The following NIBAN1 variants were observed in gnomAD, a reference collection of about 807,000 sequenced individuals.
NIBAN1 encodes the protein protein Niban 1.
A neutral mutation model predicts 75.1 loss-of-function variants in NIBAN1; 81 were observed. The observed-to-expected ratio is 1.08, with a 90% confidence interval of 0.90 to 1.30. The LOEUF (loss-of-function observed/expected upper bound fraction) is 1.30. NIBAN1 is among the 50% of genes most tolerant of loss of function. The pLI is 0.00. For synonymous variants in NIBAN1, 436 were observed against 424.8 expected, an observed-to-expected ratio of 1.03 and a Z score of -0.32; for missense variants, 1,133 against 1,128.1, an observed-to-expected ratio of 1.00 and a Z score of -0.06.
chr1:184,962,577 T>C (rs1297424128), intron 1 of NIBAN1, among the ~76,000 whole-genome samples: 1 of 152,172 alleles, frequency 6.6e-6, no homozygotes, highest in Non-Finnish European at 1.5e-5. Flanking sequence ...CAGAGGTTCT[T>C]ATAGATTTTG....
intron 1 of NIBAN1, among the ~76,000 whole-genome samples, chr1:184,964,345 A>G (rs1658724450): frequency 6.6e-6 from 1 of 152,238 alleles, no homozygotes; most frequent in Non-Finnish European, 1.5e-5. Flanking sequence ...AAAGTTTCTG[A>G]TACTTACTCA....
intron 9 of NIBAN1, among the ~76,000 whole-genome samples, chr1:184,815,492 C>T (rs1412758949): frequency 1.3e-5 from 2 of 152,168 alleles, no homozygotes; most frequent in Non-Finnish European, 2.9e-5. Context: ...AAGAAGATGA[C>T]ATCCTTGATG....
At chr1:184,886,363 G>T (rs549743407) in intron 4 of NIBAN1, among the ~76,000 whole-genome samples, 1 of 152,206 alleles carries the variant, frequency 6.6e-6, no homozygotes, top group Non-Finnish European at 1.5e-5. Flanking sequence ...CACTGTGAAC[G>T]TCTAGAGATG....
intron 10 of NIBAN1, among the ~76,000 whole-genome samples, chr1:184,807,825 T>C (rs1229809950): frequency 6.6e-6 from 1 of 152,224 alleles, no homozygotes. Context: ...CAGCACTGAT[T>C]TGACAAATCA....
chr1:184,895,449 G>A (rs1656773357), intron 2 of NIBAN1, among the ~76,000 whole-genome samples: 1 of 152,156 alleles, frequency 6.6e-6, no homozygotes, highest in South Asian at 2.1e-4. Flanking sequence ...TTTTATGAGG[G>A]AAAGCAATCA....
At chr1:184,926,169 G>A (rs926250769) in intron 1 of NIBAN1, among the ~76,000 whole-genome samples, 1 of 151,986 alleles carries the variant, frequency 6.6e-6, no homozygotes, top group Non-Finnish European at 1.5e-5. Flanking sequence ...CTTTCTTCTG[G>A]CCTACAAGGT....
At chr1:184,801,529 A>G (rs569164578) in intron 12 of NIBAN1, among the ~76,000 whole-genome samples, 21 of 152,202 alleles carry the variant, frequency 1.4e-4, no homozygotes, top group Non-Finnish European at 2.4e-4. Context: ...GTGGTCCCCC[A>G]TTCCTATTCC....
chr1:184,898,582 C>G (rs1656866184), intron 2 of NIBAN1, among the ~76,000 whole-genome samples: 1 of 152,186 alleles, frequency 6.6e-6, no homozygotes, highest in South Asian at 2.1e-4. Flanking sequence ...TATCACTGCA[C>G]TCCAGCCTGA....
chr1:184,809,631 ATG>A (rs10550039), intron 9 of NIBAN1, among the ~76,000 whole-genome samples: 10,111 of 144,490 alleles, frequency 0.07, 1,137 homozygotes, highest in African/African-American at 0.26. Flanking sequence ...ACACATATAT[ATG>A]TGTGTGTGTA....
chr1:184,947,253 G>A (rs1658250977), intron 1 of NIBAN1, among the ~76,000 whole-genome samples: 2 of 152,076 alleles, frequency 1.3e-5, no homozygotes, highest in South Asian at 2.1e-4. Flanking sequence ...ATGCTATGAA[G>A]GTAGGGTGCT....
intron 1 of NIBAN1, among the ~76,000 whole-genome samples, chr1:184,929,348 C>T (rs1400333348): frequency 6.6e-6 from 1 of 152,070 alleles, no homozygotes; most frequent in Non-Finnish European, 1.5e-5. Context: ...ATTTTTATCA[C>T]ACCAAAAACC....
At chr1:184,864,551 G>T (rs906650452) in intron 5 of NIBAN1, among the ~76,000 whole-genome samples, 2 of 152,100 alleles carry the variant, frequency 1.3e-5, no homozygotes, top group Non-Finnish European at 2.9e-5. Flanking sequence ...CAGAGGTGAA[G>T]AAATGTTGTT....
chr1:184,937,669 G>A (rs1657996962), intron 1 of NIBAN1, among the ~76,000 whole-genome samples: 1 of 152,184 alleles, frequency 6.6e-6, no homozygotes, highest in African/African-American at 2.4e-5. Flanking sequence ...ATAAAAGCAG[G>A]TGTGGGCAAA....
rs543297277 is a variant in NIBAN1, at chr1:184,936,245, A to G, written c.56-36936T>C. ...TGCTGGAAATGGAGGATCCTGAGGGAAAAAGAACAACAGGAGAACTCACAG... is the reference window on the plus strand; with the variant it reads ...TGCTGGAAATGGAGGATCCTGAGGGGAAAAGAACAACAGGAGAACTCACAG... On this transcript the variant is annotated intron_variant, in intron 1 of 13. Coordinates refer to ENST00000367511, the MANE Select transcript of NIBAN1 (RefSeq NM_052966.4). Among the ~76,000 whole-genome samples, 3 of 152,200 alleles carry G rather than the reference A, an allele frequency of 2.0e-5. 1 individual carries two copies. Among genetic ancestry groups the G allele is most frequent in the Non-Finnish European group, 4.4e-5 (3 of 68,016 alleles).
intron 5 of NIBAN1, 50 bp from the exon 6 acceptor site, chr1:184,832,012 C>T: frequency 1.5e-6 from 2 of 1,328,624 alleles, no homozygotes; most frequent in Non-Finnish European, 2.2e-6. Context: ...CTCTAGATTT[C>T]CCCATAGCTC....
chr1:184,825,024 G>C (rs1170210607), intron 6 of NIBAN1, among the ~76,000 whole-genome samples: 1 of 152,164 alleles, frequency 6.6e-6, no homozygotes. Flanking sequence ...CCAGAGACCT[G>C]TTGGGACCTG....
At chr1:184,809,656 CAT>C (rs1488752752) in intron 9 of NIBAN1, among the ~76,000 whole-genome samples, 18 of 139,370 alleles carry the variant, frequency 1.3e-4, no homozygotes, top group South Asian at 4.6e-4. Context: ...TATATATACA[CAT>C]ATATATGTGT....
chr1:184,797,653 C>G (rs944179063), intron 13 of NIBAN1, among the ~76,000 whole-genome samples: 24 of 151,896 alleles, frequency 1.6e-4, no homozygotes, highest in Non-Finnish European at 3.1e-4. Flanking sequence ...CTCTTCTCAG[C>G]TTTGGTGGGT....
chr1:184,862,805 T>C (rs1655850090), intron 5 of NIBAN1, among the ~76,000 whole-genome samples: 1 of 151,406 alleles, frequency 6.6e-6, no homozygotes, highest in Non-Finnish European at 1.5e-5. Context: ...GATAATTGTA[T>C]AGCCAAGCTA....
Sources: allele counts gnomAD v4.1 joint callset (sites outside exome capture counted in the v4.1 genomes callset), GRCh38; gene constraint gnomAD v4.1.1; transcripts MANE v1.5; gene names NCBI Gene and HGNC (gene_info 2026-07-23, HGNC 2026-07-21).